Variants in GRIN2B observed in about 807,000 individuals in gnomAD.
GRIN2B encodes the protein glutamate ionotropic receptor NMDA type subunit 2B.
Under a neutral mutation model 114.5 loss-of-function variants are expected in GRIN2B, and 5 were observed. That is an observed-to-expected ratio of 0.04 (90% CI 0.02 to 0.09). GRIN2B has a LOEUF of 0.09. Ranked by LOEUF, GRIN2B falls within the 10% of genes least tolerant of loss-of-function variation. The probability of loss-of-function intolerance (pLI) is 1.00; values close to 1 mark genes in which losing one functional copy is unlikely to be tolerated. For missense variants in GRIN2B, 1,108 were observed against 1,943.5 expected, an observed-to-expected ratio of 0.57 and a Z score of 8.08; for synonymous variants, 787 against 745.1, an observed-to-expected ratio of 1.06 and a Z score of -0.92.
chr12:13,940,242 G>A (rs1015738988), intron 2 of GRIN2B, among the ~76,000 whole-genome samples: 2 of 152,098 alleles, frequency 1.3e-5, no homozygotes, highest in African/African-American at 4.8e-5. Flanking sequence ...CAGCATCTGG[G>A]AAAACAATAC....
chr12:13,739,959 A>G (rs1342722862), intron 4 of GRIN2B, among the ~76,000 whole-genome samples: 1 of 152,120 alleles, frequency 6.6e-6, no homozygotes, highest in Non-Finnish European at 1.5e-5. Flanking sequence ...CACGTGGGGG[A>G]AGGGGACTCT....
At chr12:13,711,051 C>T (rs536783665) in intron 4 of GRIN2B, among the ~76,000 whole-genome samples, 2 of 152,192 alleles carry the variant, frequency 1.3e-5, no homozygotes, top group East Asian at 3.9e-4. Context: ...TGGAACAGAA[C>T]AGAGCCCTCA....
chr12:13,959,361 G>A lies in GRIN2B; in HGVS notation c.-19+20567C>T, dbSNP rs1385085251. On this transcript the variant is annotated intron_variant, in intron 2 of 13. Coordinates refer to ENST00000609686, the MANE Select transcript of GRIN2B (RefSeq NM_000834.5). The stretch of plus-strand genomic sequence containing the variant: ...GGGTGGGGCCCGCAGGGAGAGGGAG[G>A]TCAGGCTGCAGAGGGCTTCCTGGGG... Among the ~76,000 whole-genome samples, 5 of 152,292 alleles carry A rather than the reference G, an allele frequency of 3.3e-5. No individual in the cohort carries two copies. The East Asian group carries it at 9.7e-4, about 29-fold the overall frequency.
intron 4 of GRIN2B, among the ~76,000 whole-genome samples, chr12:13,716,032 CA>C: frequency 6.6e-6 from 1 of 152,010 alleles, no homozygotes. Context: ...ACTGAGCTAA[CA>C]GCCACACAAT....
intron 5 of GRIN2B, among the ~76,000 whole-genome samples, chr12:13,636,263 C>T (rs1949664762): frequency 6.6e-6 from 1 of 152,108 alleles, no homozygotes; most frequent in Non-Finnish European, 1.5e-5. Flanking sequence ...GCTGGAGAAC[C>T]TTGGGGGAAC....
chr12:13,683,807 C>G (rs1258760460), intron 4 of GRIN2B: 1 of 152,204 alleles, frequency 6.6e-6, no homozygotes, highest in Non-Finnish European at 1.5e-5. Flanking sequence ...AGAATTCTCC[C>G]TATCACAGAG....
chr12:13,834,162 C>G (rs1865208704), intron 3 of GRIN2B, among the ~76,000 whole-genome samples: 1 of 148,210 alleles, frequency 6.7e-6, no homozygotes, highest in Admixed American at 6.8e-5. Context: ...TCCTGAGTAG[C>G]TGGGACTACA....
chr12:13,624,532 A>G (rs1299682453), intron 5 of GRIN2B, among the ~76,000 whole-genome samples: 1 of 152,248 alleles, frequency 6.6e-6, no homozygotes, highest in Non-Finnish European at 1.5e-5. Context: ...AATTATTTGC[A>G]TATTCAGTGC....
intron 3 of GRIN2B, among the ~76,000 whole-genome samples, chr12:13,765,507 G>T (rs1389697793): frequency 2.6e-5 from 4 of 152,156 alleles, no homozygotes; most frequent in Admixed American, 1.3e-4. Flanking sequence ...AATATTGTCA[G>T]TATGAACAAA....
chr12:13,727,707 C>T (rs565670417), intron 4 of GRIN2B, among the ~76,000 whole-genome samples: 63 of 152,288 alleles, frequency 4.1e-4, no homozygotes, highest in African/African-American at 1.4e-3. Flanking sequence ...CTCAGATGGT[C>T]ATTGTTTCTC....
intron 5 of GRIN2B, among the ~76,000 whole-genome samples, chr12:13,649,297 T>G (rs894017332): frequency 6.6e-6 from 1 of 152,060 alleles, no homozygotes; most frequent in African/African-American, 2.4e-5. Context: ...TCTACTGCCT[T>G]ATTTTCCTTG....
At chr12:13,585,036 A>G (rs1282292847) in intron 10 of GRIN2B, among the ~76,000 whole-genome samples, 1 of 152,250 alleles carries the variant, frequency 6.6e-6, no homozygotes, top group Non-Finnish European at 1.5e-5. Flanking sequence ...CAAGTAAAGA[A>G]GACAGATGGA....
At chr12:13,896,167 C>G (rs1268330126) in intron 2 of GRIN2B, among the ~76,000 whole-genome samples, 3 of 152,056 alleles carry the variant, frequency 2.0e-5, no homozygotes, top group African/African-American at 7.2e-5. Flanking sequence ...AAGGCTCTAC[C>G]AACGAGGAGG....
intron 2 of GRIN2B, among the ~76,000 whole-genome samples, chr12:13,942,632 A>G (rs1467066912): frequency 6.6e-6 from 1 of 152,230 alleles, no homozygotes; most frequent in Non-Finnish European, 1.5e-5. Flanking sequence ...AAGTTAGATA[A>G]TCATCTATTT....
At chr12:13,591,908 G>A (rs1259906050) in intron 10 of GRIN2B, among the ~76,000 whole-genome samples, 2 of 152,122 alleles carry the variant, frequency 1.3e-5, no homozygotes, top group African/African-American at 2.4e-5. Flanking sequence ...ACTATAAGTG[G>A]TTGGCTCATT....
intron 4 of GRIN2B, among the ~76,000 whole-genome samples, chr12:13,748,882 G>A (rs559528854): frequency 7.2e-5 from 11 of 152,270 alleles, no homozygotes; most frequent in Admixed American, 5.2e-4. Flanking sequence ...GTATAAATAT[G>A]TCCCATGCAA....
intron 3 of GRIN2B, among the ~76,000 whole-genome samples, chr12:13,806,390 C>G (rs1026937896): frequency 6.6e-6 from 1 of 152,094 alleles, no homozygotes; most frequent in Non-Finnish European, 1.5e-5. Context: ...CACTTGTTAT[C>G]TCTTGTATTT....
Position 13,547,981 on chromosome 12 carries a change from A to ATATATATATATATATTTTT in GRIN2B, c.*14801_*14802insAAAAATATATATATATATA. 4 of 68,586 alleles carry ATATATATATATATATTTTT rather than the reference A, an allele frequency of 5.8e-5. No individual in the cohort carries two copies. Among genetic ancestry groups the ATATATATATATATATTTTT allele is most frequent in the South Asian group, 7.3e-4 (1 of 1,378 alleles). 4.2% of individuals were successfully genotyped at this position (68,586 alleles called of 1,614,324 possible). On this transcript the variant is annotated 3_prime_UTR_variant, in exon 14 of 14. Coordinates refer to ENST00000609686, the MANE Select transcript of GRIN2B (RefSeq NM_000834.5). ...TGTGTATATATATATATATATATAT[A>ATATATATATATATATTTTT]TTTTTTTTTTTTTTCTGAAAGCTAC...
In GRIN2B at chr12:13,564,770, A is replaced by G; in HGVS notation, c.2599-131T>C. 1 of 863,538 alleles carries G rather than the reference A, an allele frequency of 1.2e-6. No individual in the cohort carries two copies. The highest frequency in any genetic ancestry group is 1.9e-6 in the Non-Finnish European group (1 of 517,900). 53.5% of individuals were successfully genotyped at this position (863,538 alleles called of 1,614,324 possible). ...AAGCATGAAGCGAATAGTCTAATAT[A>G]CTATTAGATGTGGCTAGAAGTTTGC... is the stretch of plus-strand genomic sequence containing the variant. On this transcript the variant is annotated intron_variant, in intron 13 of 13. Transcript: ENST00000609686. The surrounding 1 kb of genome is among the most constrained non-coding windows in gnomAD (Gnocchi z 4.8).
Sources: gnomAD v4.1 joint callset for allele counts (sites outside exome capture counted in the v4.1 genomes callset) on GRCh38, gnomAD v4.1.1 for gene constraint, Gnocchi (gnomAD v3.1) non-coding constraint, MANE v1.5 for transcripts, NCBI Gene and HGNC (gene_info 2026-07-23, HGNC 2026-07-21) for gene names.